SMG6: variants seen among roughly 807,000 people sequenced by gnomAD.
SMG6 encodes the protein SMG6 nonsense mediated mRNA decay factor.
Under a neutral mutation model 142.2 loss-of-function variants are expected in SMG6, and 66 were observed. The ratio of observed to expected loss-of-function variants is 0.46; its 90% CI spans 0.38 to 0.57. The LOEUF is 0.57. Among genes scored for constraint, SMG6 ranks in the 20% least tolerant of loss-of-function variants. SMG6 has a pLI of 0.00. For missense variants in SMG6, 1,793 were observed against 1,832.0 expected (o/e 0.98, Z 0.39); for synonymous variants, 779 against 702.4 (o/e 1.11, Z -1.72).
chr17:2,178,014 G>A (rs2071698256), intron 12 of SMG6, among the ~76,000 whole-genome samples: 1 of 152,196 alleles, frequency 6.6e-6, no homozygotes, highest in African/African-American at 2.4e-5. Context: ...AAAACTGCAG[G>A]AATTCAGCAG....
chr17:2,091,734 G>A (rs1477869559), intron 13 of SMG6, among the ~76,000 whole-genome samples: 20 of 149,888 alleles, frequency 1.3e-4, no homozygotes, highest in Admixed American at 4.7e-4. Flanking sequence ...GCAGTGGTGC[G>A]ATCTCGGCTC....
At chr17:2,128,249 A>G (rs2984941) in intron 13 of SMG6, among the ~76,000 whole-genome samples, 54,229 of 152,154 alleles carry the variant, frequency 0.36, 10,360 homozygotes, top group African/African-American at 0.5. Context: ...GGCACGGAGC[A>G]GCGGCGGTCA....
At chr17:2,155,078 A>C (rs2070960118) in intron 13 of SMG6, among the ~76,000 whole-genome samples, 1 of 147,592 alleles carries the variant, frequency 6.8e-6, no homozygotes, top group Non-Finnish European at 1.5e-5. Flanking sequence ...TTTGAGATGG[A>C]GTCTCACTCC....
intron 8 of SMG6, among the ~76,000 whole-genome samples, chr17:2,268,441 C>T (rs1567732875): frequency 6.6e-6 from 1 of 152,196 alleles, no homozygotes. Context: ...GGTGCACAAA[C>T]TACGCAAGGG....
At position 2,300,139 on chromosome 17, in the gene SMG6, C is replaced by G. The variant is rs1307252486; in HGVS notation, c.614G>C (p.Gly205Ala). ...PDRAEIEKSP[G>A]GGRVGAAKGE... ...TTTTGCAGCCCCTACTCTCCCACCACCTGGGCTCTTTTCTATCTCAGCCCT... is the reference window on the plus strand; with the variant it reads ...TTTTGCAGCCCCTACTCTCCCACCAGCTGGGCTCTTTTCTATCTCAGCCCT... The change falls in exon 2 of 19, where the codon GGT becomes GCT. Residue 205 changes from glycine (G) to alanine (A), a missense_variant. This residue lies in a region of SMG6 where 1,597 missense variants were observed against 1,584.6 expected (regional missense o/e 1.01). Transcript: ENST00000263073. 1 of 1,614,044 alleles carries G rather than the reference C, an allele frequency of 6.2e-7. No individual in the cohort carries two copies. Among genetic ancestry groups the G allele is most frequent in the African/African-American group, 1.3e-5 (1 of 74,932 alleles).
intron 15 of SMG6, among the ~76,000 whole-genome samples, chr17:2,069,585 G>C (rs2068042986): frequency 6.6e-6 from 1 of 152,140 alleles, no homozygotes; most frequent in Non-Finnish European, 1.5e-5. Flanking sequence ...GACAGAACGA[G>C]ACCCTGTCTC....
intron 10 of SMG6, among the ~76,000 whole-genome samples, chr17:2,221,044 G>C (rs1186513147): frequency 6.6e-6 from 1 of 152,194 alleles, no homozygotes; most frequent in Admixed American, 6.5e-5. Flanking sequence ...AGGAAGAAAG[G>C]ACAGAGAGTA....
chr17:2,202,636 G>A (rs2072564650), intron 10 of SMG6, among the ~76,000 whole-genome samples: 1 of 152,164 alleles, frequency 6.6e-6, no homozygotes, highest in African/African-American at 2.4e-5. Flanking sequence ...GTTCATAACT[G>A]GAGGCTAATT....
intron 10 of SMG6, among the ~76,000 whole-genome samples, chr17:2,219,629 A>G (rs1364641144): frequency 1.3e-5 from 2 of 151,898 alleles, no homozygotes; most frequent in Non-Finnish European, 2.9e-5. Context: ...TCTCTGCAAA[A>G]TATTTGAAAA....
At chr17:2,165,915 A>G (rs1172970415) in intron 13 of SMG6, among the ~76,000 whole-genome samples, 1 of 152,052 alleles carries the variant, frequency 6.6e-6, no homozygotes, top group East Asian at 1.9e-4. Context: ...AAAAACACAA[A>G]GAAACAAACA....
intron 13 of SMG6, among the ~76,000 whole-genome samples, chr17:2,172,251 C>T (rs2071526110): frequency 6.6e-6 from 1 of 151,932 alleles, no homozygotes; most frequent in Admixed American, 6.6e-5. Context: ...TCACTCTCCT[C>T]CTCAGAGAAG....
chr17:2,082,071 CT>C (rs2068440676), intron 14 of SMG6, 115 bp from the exon 15 acceptor site: 1 of 1,101,352 alleles, frequency 9.1e-7, no homozygotes, highest in Non-Finnish European at 1.3e-6. Flanking sequence ...GGGACCATCC[CT>C]TGCAAAGGGT....
At chr17:2,141,537 G>T (rs761229167) in intron 13 of SMG6, among the ~76,000 whole-genome samples, 1 of 152,178 alleles carries the variant, frequency 6.6e-6, no homozygotes, top group Non-Finnish European at 1.5e-5. Context: ...GAAATCCTGG[G>T]CTCAAGTGAT....
At chr17:2,241,416 C>A (rs2073797956) in intron 9 of SMG6, among the ~76,000 whole-genome samples, 1 of 152,150 alleles carries the variant, frequency 6.6e-6, no homozygotes, top group Non-Finnish European at 1.5e-5. Flanking sequence ...TCAAGACTAT[C>A]CTATTAGGAC....
chr17:2,177,907 T>C (rs564135574), intron 12 of SMG6, among the ~76,000 whole-genome samples: 1 of 152,340 alleles, frequency 6.6e-6, no homozygotes, highest in East Asian at 1.9e-4. Context: ...ACGGTTTCCC[T>C]GTGGGCCATT....
intron 11 of SMG6, among the ~76,000 whole-genome samples, chr17:2,187,792 T>C (rs1597555478): frequency 6.6e-6 from 1 of 151,166 alleles, no homozygotes; most frequent in Non-Finnish European, 1.5e-5. Context: ...ACAAAGCTGG[T>C]GCGGCATGGG....
intron 4 of SMG6, among the ~76,000 whole-genome samples, chr17:2,294,775 C>G (rs150445142): frequency 6.6e-6 from 1 of 152,258 alleles, no homozygotes; most frequent in Non-Finnish European, 1.5e-5. Context: ...CACCAGCAAT[C>G]AAACACTAAA....
rs2067767136 is a variant in SMG6, at chr17:2,061,320, C to G, written c.*172G>C. On this transcript the variant is annotated 3_prime_UTR_variant, in exon 19 of 19. Transcript: ENST00000263073. ...GCTTCCGCCCGATCCTTGGGAGGGG[C>G]TCTGTGAGGAGCAGGTCCCCCACAG... 7 of 650,508 alleles carry G rather than the reference C, an allele frequency of 1.1e-5. No individual in the cohort carries two copies. Among genetic ancestry groups the G allele is most frequent in the Non-Finnish European group, 1.8e-5 (7 of 389,454 alleles). 40.3% of individuals were successfully genotyped at this position (650,508 alleles called of 1,614,324 possible).
chr17:2,229,911 C>T (rs9896535), intron 10 of SMG6, among the ~76,000 whole-genome samples: 57,765 of 151,746 alleles, frequency 0.38, 11,286 homozygotes, highest in Middle Eastern at 0.44. Context: ...CCAGGCCAAG[C>T]GCAGTGGCTC....
Sources: gnomAD v4.1 joint callset for allele counts (sites outside exome capture counted in the v4.1 genomes callset) on GRCh38, gnomAD v4.1.1 for gene constraint, gnomAD v4.1.1 regional missense constraint, MANE v1.5 for transcripts, NCBI Gene and HGNC (gene_info 2026-07-23, HGNC 2026-07-21) for gene names.